The following PDLIM1 variants were observed in gnomAD, a reference collection of about 807,000 sequenced individuals.
The protein encoded by PDLIM1 is PDZ and LIM domain 1.
PDLIM1 carries 25 observed loss-of-function variants against 35.2 expected under a neutral mutation model. The observed-to-expected ratio is 0.71, with a 90% CI of 0.52 to 0.99. The LOEUF (loss-of-function observed/expected upper bound fraction) is 0.99, where lower values mean the gene tolerates loss of function less well. Ranked by LOEUF, PDLIM1 falls within the 50% of genes least tolerant of loss-of-function variation. The pLI is 0.00. For synonymous variants in PDLIM1, 152 were observed against 154.0 expected (o/e 0.99, Z 0.10); for missense variants, 363 against 415.3 (o/e 0.87, Z 1.09).
intron 4 of PDLIM1, among the ~76,000 whole-genome samples, chr10:95,261,506 T>C (rs1190440171): frequency 6.6e-6 from 1 of 152,138 alleles, no homozygotes; most frequent in East Asian, 1.9e-4. Context: ...GTTTCTCAGG[T>C]ATCTCAAATG....
At chr10:95,284,930 A>G (rs1331655622) in intron 1 of PDLIM1, among the ~76,000 whole-genome samples, 1 of 152,236 alleles carries the variant, frequency 6.6e-6, no homozygotes, top group Non-Finnish European at 1.5e-5. Flanking sequence ...AAGAGTATCA[A>G]TAATCACACA....
intron 6 of PDLIM1, 72 bp downstream of exon 6, chr10:95,238,496 C>T: frequency 1.0e-6 from 1 of 965,328 alleles, no homozygotes; most frequent in South Asian, 1.3e-5. Context: ...GTGCAACATC[C>T]AGCACTTTCC....
chr10:95,258,677 T>A (rs1190547243), intron 4 of PDLIM1, among the ~76,000 whole-genome samples: 1 of 152,148 alleles, frequency 6.6e-6, no homozygotes, highest in Non-Finnish European at 1.5e-5. Context: ...ATGGGGACTT[T>A]AAGGTGAGGT....
intron 4 of PDLIM1, among the ~76,000 whole-genome samples, chr10:95,261,922 C>A (rs753783620): frequency 1.3e-5 from 2 of 151,670 alleles, no homozygotes; most frequent in Non-Finnish European, 2.9e-5. Flanking sequence ...GCAGAAGAAT[C>A]GCTTGAACCC....
chr10:95,271,656 G>T lies in PDLIM1; in HGVS notation c.225C>A (p.Asp75Glu), dbSNP rs1339205228. 6.2e-7 allele frequency: 1 copy of T among 1,606,938 alleles called. No individual in the cohort carries two copies. Among genetic ancestry groups the T allele is most frequent in the Non-Finnish European group, 8.5e-7 (1 of 1,178,288 alleles). ...ACCTGGCTACAGTGAGAGTCAAGTTGTCTGTGCAGCCTTTGATTCTGTTCT... is the reference window on the plus strand; with the variant it reads ...ACCTGGCTACAGTGAGAGTCAAGTTTTCTGTGCAGCCTTTGATTCTGTTCT... ...EAQNRIKGCT[D>E]NLTLTVARSE... Residue 75 changes from aspartate (D) to glutamate (E), a missense_variant, in exon 2 of 7, where the codon GAC (aspartate) becomes GAA (glutamate). By Grantham distance (45) the Asp-to-Glu change is conservative (BLOSUM62 2). Coordinates refer to ENST00000329399, the MANE Select transcript of PDLIM1 (RefSeq NM_020992.4).
chr10:95,288,818 G>A lies in PDLIM1; in HGVS notation c.96+2002C>T, dbSNP rs771596969. Among the ~76,000 whole-genome samples the A allele has an allele frequency of 3.5e-4, 53 of 152,200 alleles. 1 individual carries two copies. The highest frequency in any genetic ancestry group is 6.3e-4 in the Non-Finnish European group (43 of 68,030). ...ACTTTTCAATTAAAGCACCTGCCAA[G>A]GGCATTATAAAGATTAGTTTCCATC... On this transcript the variant is annotated intron_variant, in intron 1 of 6. Transcript: ENST00000329399.
At chr10:95,246,602 A>G (rs1202123395) in intron 5 of PDLIM1, among the ~76,000 whole-genome samples, 1 of 152,178 alleles carries the variant, frequency 6.6e-6, no homozygotes, top group Non-Finnish European at 1.5e-5. Flanking sequence ...CATGACCATG[A>G]TAATCTTAGA....
intron 5 of PDLIM1, among the ~76,000 whole-genome samples, chr10:95,239,281 G>A (rs1003280518): frequency 2.6e-5 from 4 of 152,138 alleles, no homozygotes; most frequent in African/African-American, 9.7e-5. Flanking sequence ...TTCAGGACAT[G>A]GGCATGGGCA....
chr10:95,279,968 T>C (rs926723363), intron 1 of PDLIM1, among the ~76,000 whole-genome samples: 8 of 152,232 alleles, frequency 5.3e-5, no homozygotes, highest in African/African-American at 1.9e-4. Context: ...CAATGCCAAG[T>C]TCTTAAAAGT....
At chr10:95,249,344 C>T (rs1397561809) in intron 4 of PDLIM1, among the ~76,000 whole-genome samples, 1 of 152,210 alleles carries the variant, frequency 6.6e-6, no homozygotes, top group East Asian at 1.9e-4. Context: ...GGAGAAAGGC[C>T]AGTGTGCCCA....
rs115232825 is a variant in PDLIM1 at position 95,271,152 on chromosome 10, G to C, written c.248+481C>G. The stretch of plus-strand genomic sequence containing the variant: ...ATCATAAGCACCGTGAAAATCAGAG[G>C]GGGGCTGGGCACGGTGGCTCACACC... On this transcript the variant is annotated intron_variant, in intron 2 of 6. Coordinates refer to ENST00000329399, the MANE Select transcript of PDLIM1 (RefSeq NM_020992.4). Among the ~76,000 whole-genome samples the C allele has an allele frequency of 4.1e-3, 626 of 151,820 alleles. 3 individuals carry two copies. The highest frequency in any genetic ancestry group is 0.014 in the African/African-American group (573 of 41,404).
chr10:95,242,341 T>C (rs931530274), intron 5 of PDLIM1, among the ~76,000 whole-genome samples: 3 of 152,158 alleles, frequency 2.0e-5, no homozygotes, highest in African/African-American at 7.2e-5. Flanking sequence ...AATATTGCAT[T>C]TAAATGTCAT....
intron 3 of PDLIM1, 75 bp downstream of exon 3, chr10:95,268,703 G>C: frequency 3.2e-6 from 3 of 923,778 alleles, no homozygotes; most frequent in East Asian, 2.4e-5. Context: ...GGAAAAACAG[G>C]AATGTGCTGA....
At chr10:95,241,607 A>G (rs1488324478) in intron 5 of PDLIM1, among the ~76,000 whole-genome samples, 1 of 152,188 alleles carries the variant, frequency 6.6e-6, no homozygotes, top group Non-Finnish European at 1.5e-5. Context: ...CAAAATGTCA[A>G]TAGCACCAAG....
At chr10:95,289,406 C>T (rs2035632139) in intron 1 of PDLIM1, among the ~76,000 whole-genome samples, 1 of 152,156 alleles carries the variant, frequency 6.6e-6, no homozygotes, top group Non-Finnish European at 1.5e-5. Context: ...CAGTGTGTAC[C>T]TTTGAGAATA....
intron 4 of PDLIM1, among the ~76,000 whole-genome samples, chr10:95,262,777 T>C (rs2035376001): frequency 6.6e-6 from 1 of 152,174 alleles, no homozygotes; most frequent in African/African-American, 2.4e-5. Context: ...TCCCAGTGTT[T>C]CTGGATTCAT....
chr10:95,270,338 A>G (rs972707284), intron 2 of PDLIM1, among the ~76,000 whole-genome samples: 65 of 147,418 alleles, frequency 4.4e-4, no homozygotes, highest in African/African-American at 1.5e-3. Flanking sequence ...CCACAAAGCA[A>G]AAAAAAAAAA....
At chr10:95,276,912 A>C (rs1419813917) in intron 1 of PDLIM1, among the ~76,000 whole-genome samples, 2 of 149,630 alleles carry the variant, frequency 1.3e-5, no homozygotes, top group Non-Finnish European at 3.0e-5. Flanking sequence ...AAAAAAAAAA[A>C]AAAAAAAAAA....
Position 95,258,664 on chromosome 10 carries a change from G to C in PDLIM1, c.533+5200C>G, listed in dbSNP as rs1424851804. 2.0e-5 allele frequency among the ~76,000 whole-genome samples: 3 copies of C among 152,196 alleles called. No individual in the cohort carries two copies. The South Asian group carries it at 6.2e-4, about 32-fold the overall frequency. ...ATTATAGTGGTTGCTAGGGGCTTGA[G>C]AGATGGGGACTTTAAGGTGAGGTTG... is the stretch of plus-strand genomic sequence containing the variant. On this transcript the variant is annotated intron_variant, in intron 4 of 6. Transcript: ENST00000329399.
Sources: allele counts gnomAD v4.1 joint callset (sites outside exome capture counted in the v4.1 genomes callset), GRCh38; gene constraint gnomAD v4.1.1; transcripts MANE v1.5; gene names NCBI Gene and HGNC (gene_info 2026-07-23, HGNC 2026-07-21).